Variants in PXK observed in about 807,000 individuals in gnomAD.
PXK encodes PX domain containing serine/threonine kinase like.
In PXK, 35 loss-of-function variants were observed where a neutral mutation model predicts 84.7. That is an observed-to-expected ratio of 0.41 (90% confidence interval 0.32 to 0.55). The LOEUF is 0.55. PXK is among the 20% of genes least tolerant of loss of function. PXK has a pLI of 0.21. For synonymous variants in PXK, 253 were observed against 260.8 expected, an observed-to-expected ratio of 0.97 and a Z score of 0.29; for missense variants, 634 against 699.7, an observed-to-expected ratio of 0.91 and a Z score of 1.06.
chr3:58,415,793 A>C (rs942531909), intron 17 of PXK, among the ~76,000 whole-genome samples: 1 of 152,258 alleles, frequency 6.6e-6, no homozygotes. Context: ...CAGATGGCTT[A>C]CAGGCAAGGA....
intron 1 of PXK, among the ~76,000 whole-genome samples, chr3:58,342,960 A>C (rs924575919): frequency 6.6e-6 from 1 of 152,198 alleles, no homozygotes; most frequent in Non-Finnish European, 1.5e-5. Flanking sequence ...CTGCTGTCGC[A>C]GCACCTCTTT....
chr3:58,371,018 A>G (rs957689684), intron 3 of PXK, among the ~76,000 whole-genome samples: 1 of 152,140 alleles, frequency 6.6e-6, no homozygotes, highest in Non-Finnish European at 1.5e-5. Flanking sequence ...AACAAACAAA[A>G]AAGGAAATAA....
Position 58,365,889 on chromosome 3 carries a change from G to A in PXK, c.118G>A (p.Val40Met), listed in dbSNP as rs373843935. The A allele has an allele frequency of 1.9e-6, 3 of 1,576,670 alleles. No individual in the cohort carries two copies. The highest frequency in any genetic ancestry group is 1.7e-6 in the Non-Finnish European group (2 of 1,165,266). The part of the protein sequence containing the change: ...LQSHTEYIIR[V>M]QRGISVENSW... ...TCTTTTTAAGGAATATATTATTCGA[G>A]TGCAAAGAGGAATTTCTGTGGAAAA... Residue 40 changes from valine (V) to methionine (M), a missense_variant, in exon 2 of 18, where the codon GTG becomes ATG. Physicochemically the swap from Val to Met is conservative, Grantham distance 21. Around this residue, in one of 3 missense-constraint regions of PXK, gnomAD observed 353 missense variants for 385.2 expected, o/e 0.92. Coordinates refer to ENST00000356151, the MANE Select transcript of PXK (RefSeq NM_017771.5).
At chr3:58,381,808 A>G (rs552710206) in intron 3 of PXK, among the ~76,000 whole-genome samples, 2 of 152,238 alleles carry the variant, frequency 1.3e-5, no homozygotes, top group East Asian at 3.9e-4. Context: ...TCAAGCCATG[A>G]CAGTATGAGC....
At chr3:58,402,461 G>A (rs2058734527) in intron 12 of PXK, among the ~76,000 whole-genome samples, 1 of 147,368 alleles carries the variant, frequency 6.8e-6, no homozygotes, top group Non-Finnish European at 1.5e-5. Context: ...ATAGAGTCTT[G>A]CTCTGTCACC....
intron 1 of PXK, among the ~76,000 whole-genome samples, chr3:58,345,793 G>A (rs2097803826): frequency 6.6e-6 from 1 of 152,072 alleles, no homozygotes; most frequent in Non-Finnish European, 1.5e-5. Flanking sequence ...TTGTTTTATC[G>A]ATATTTAAGT....
At position 58,398,062 on chromosome 3, in the gene PXK, C is replaced by T. The variant is rs886113433; in HGVS notation, c.1102+340C>T. ...CAACTTGAAGCCAGTCTTGAGGACC[C>T]AGGCAGGTGTCAGACGTCAGATCAA... On this transcript the variant is annotated intron_variant, in intron 11 of 17. Transcript: ENST00000356151. The surrounding 1 kb of genome is among the most constrained non-coding windows in gnomAD (Gnocchi z 4.5). Among the ~76,000 whole-genome samples the T allele has an allele frequency of 6.6e-6, 1 of 152,146 alleles. No individual in the cohort carries two copies. Among genetic ancestry groups the T allele is most frequent in the African/African-American group, 2.4e-5 (1 of 41,424 alleles).
chr3:58,411,610 T>C lies in PXK; in HGVS notation c.1466-1291T>C, dbSNP rs2060215283. Among the ~76,000 whole-genome samples the C allele has an allele frequency of 6.6e-6, 1 of 152,158 alleles. No homozygotes were observed. Among genetic ancestry groups the C allele is most frequent in the Non-Finnish European group, 1.5e-5 (1 of 68,030 alleles). ...GAGCAGAGAAAGCCTGACAGTGTGC[T>C]CTCTACCTTCTAAGACCCTGCCTGC... On this transcript the variant is annotated intron_variant, in intron 16 of 17. Transcript: ENST00000356151. This position sits in a 1 kb window ranked among gnomAD's most constrained non-coding sequence, Gnocchi z 4.2.
chr3:58,375,010 T>C (rs1330024121), intron 3 of PXK, among the ~76,000 whole-genome samples: 3 of 150,846 alleles, frequency 2.0e-5, no homozygotes, highest in Non-Finnish European at 4.4e-5. Context: ...TTGAAAGAAC[T>C]GATGGGATGT....
At chr3:58,349,357 CTTT>C (rs547487999) in intron 1 of PXK, among the ~76,000 whole-genome samples, 4 of 134,900 alleles carry the variant, frequency 3.0e-5, no homozygotes, top group Admixed American at 7.5e-5. Flanking sequence ...TCATAAATAT[CTTT>C]TTTTTTTTTT....
rs1271797335 is a variant in PXK at position 58,398,051 on chromosome 3, T to C, written c.1102+329T>C. On this transcript the variant is annotated intron_variant, in intron 11 of 17. Transcript: ENST00000356151. This position sits in a 1 kb window ranked among gnomAD's most constrained non-coding sequence, Gnocchi z 4.5. The stretch of plus-strand genomic sequence containing the variant: ...CTAGAGCCAGGCAACTTGAAGCCAG[T>C]CTTGAGGACCCAGGCAGGTGTCAGA... Among the ~76,000 whole-genome samples, 1 of 152,100 alleles carries C rather than the reference T, an allele frequency of 6.6e-6. No individual in the cohort carries two copies. The highest frequency in any genetic ancestry group is 6.6e-5 in the Admixed American group (1 of 15,262).
intron 17 of PXK, chr3:58,422,462 A>G: frequency 3.9e-5 from 38 of 985,404 alleles, no homozygotes; most frequent in Non-Finnish European, 4.3e-5. Flanking sequence ...CTTTCGTTCC[A>G]TCTGCTTTAC....
At chr3:58,336,071 A>ATATATATTTTTTTTTT (rs1284780630) in intron 1 of PXK, among the ~76,000 whole-genome samples, 1 of 51,572 alleles carries the variant, frequency 1.9e-5, no homozygotes, top group African/African-American at 1.0e-4. Flanking sequence ...ATATATATAT[A>ATATATATTTTTTTTTT]TTTTTTTTTT....
rs543703982 is a variant in PXK at position 58,374,154 on chromosome 3, T to C, written c.201+4676T>C. ...AAATCCCAATTTGGGAATCATTCCCTGCTTTCCATTTTCTTTCTTTTTTTT... is the reference window on the plus strand; with the variant it reads ...AAATCCCAATTTGGGAATCATTCCCCGCTTTCCATTTTCTTTCTTTTTTTT... On this transcript the variant is annotated intron_variant, in intron 3 of 17. Coordinates refer to ENST00000356151, the MANE Select transcript of PXK (RefSeq NM_017771.5). Among the ~76,000 whole-genome samples the C allele has an allele frequency of 1.6e-4, 23 of 148,246 alleles. 1 individual carries two copies. In the South Asian group the frequency reaches 4.5e-3, roughly 29 times the overall value.
At chr3:58,356,198 G>A (rs952629887) in intron 1 of PXK, among the ~76,000 whole-genome samples, 7 of 152,184 alleles carry the variant, frequency 4.6e-5, no homozygotes, top group African/African-American at 1.4e-4. Flanking sequence ...ACATGCTAGG[G>A]CTTGACACAG....
At chr3:58,340,264 A>G (rs1283487376) in intron 1 of PXK, among the ~76,000 whole-genome samples, 1 of 151,378 alleles carries the variant, frequency 6.6e-6, no homozygotes, top group Admixed American at 6.6e-5. Context: ...CTGGAACTAC[A>G]GACACGCATC....
chr3:58,382,398 G>A (rs1228148470), intron 3 of PXK, 116 bp from the exon 4 acceptor site: 15 of 733,976 alleles, frequency 2.0e-5, no homozygotes, highest in Non-Finnish European at 2.8e-5. Context: ...CTGAAATTAG[G>A]ATGCATCTAA....
chr3:58,347,782 T>C (rs1370470788), intron 1 of PXK, among the ~76,000 whole-genome samples: 1 of 152,222 alleles, frequency 6.6e-6, no homozygotes, highest in Non-Finnish European at 1.5e-5. Context: ...TTATAAGAAA[T>C]TGCCAAACTT....
rs1286921629 is a variant in PXK at position 58,365,855 on chromosome 3, CT to C, written c.103-17del. ...ACTCAGTTTTATAACTGAGGTTATT[CT>C]TCCCTTCTCTTTTTAAGGAATATAT... On this transcript the variant is annotated intron_variant, in intron 1 of 17. Transcript: ENST00000356151. 1.3e-6 allele frequency: 2 copies of C among 1,518,918 alleles called. No individual in the cohort carries two copies. The highest frequency in any genetic ancestry group is 8.8e-7 in the Non-Finnish European group (1 of 1,133,802). The allele number at this position is 1,518,918 out of a possible 1,614,324, so 94.1% of individuals were successfully genotyped here.
Sources: allele counts gnomAD v4.1 joint callset (sites outside exome capture counted in the v4.1 genomes callset), GRCh38; gene constraint gnomAD v4.1.1; regional missense constraint gnomAD v4.1.1; non-coding constraint Gnocchi (gnomAD v3.1); transcripts MANE v1.5; gene names NCBI Gene and HGNC (gene_info 2026-07-23, HGNC 2026-07-21).